Variants in TMEM132D observed in about 807,000 individuals in gnomAD.
The protein encoded by TMEM132D is mature OL transmembrane protein.
Under a neutral mutation model 62.3 loss-of-function variants are expected in TMEM132D, and 21 were observed. The observed-to-expected ratio is 0.34, with a 90% CI of 0.24 to 0.49. The LOEUF (loss-of-function observed/expected upper bound fraction) is 0.49, where lower values mean the gene tolerates loss of function less well. TMEM132D is among the 20% of genes least tolerant of loss of function. TMEM132D has a pLI of 0.99. For missense variants in TMEM132D, 1,346 were observed against 1,402.8 expected, an observed-to-expected ratio of 0.96 and a Z score of 0.65; for synonymous variants, 621 against 575.6, an observed-to-expected ratio of 1.08 and a Z score of -1.13.
At chr12:129,555,363 A>T (rs1877025208) in intron 2 of TMEM132D, among the ~76,000 whole-genome samples, 1 of 152,224 alleles carries the variant, frequency 6.6e-6, no homozygotes, top group Non-Finnish European at 1.5e-5. Flanking sequence ...CTAAGGTGGG[A>T]TGAAAGTTGG....
intron 4 of TMEM132D, among the ~76,000 whole-genome samples, chr12:129,306,998 T>C (rs2135631926): frequency 6.6e-6 from 1 of 152,078 alleles, no homozygotes; most frequent in East Asian, 1.9e-4. Context: ...GATGAACCTT[T>C]AACTCAAACT....
intron 1 of TMEM132D, among the ~76,000 whole-genome samples, chr12:129,830,694 G>C (rs979524892): frequency 4.6e-5 from 7 of 152,008 alleles, no homozygotes; most frequent in African/African-American, 1.5e-4. Flanking sequence ...ACAGGCACTC[G>C]TCCTTAACTT....
intron 3 of TMEM132D, among the ~76,000 whole-genome samples, chr12:129,389,912 T>C (rs1361368095): frequency 6.6e-6 from 1 of 152,180 alleles, no homozygotes; most frequent in African/African-American, 2.4e-5. Context: ...TTTGATTCCA[T>C]GGTGAGACTT....
At chr12:129,218,509 T>C (rs930153830) in intron 4 of TMEM132D, among the ~76,000 whole-genome samples, 1 of 152,172 alleles carries the variant, frequency 6.6e-6, no homozygotes, top group South Asian at 2.1e-4. Context: ...ATGGTAAGTA[T>C]TTGTGTATCT....
chr12:129,335,390 G>A lies in TMEM132D; in HGVS notation c.1299+2244C>T, dbSNP rs959395241. Among the ~76,000 whole-genome samples the A allele has an allele frequency of 2.6e-4, 39 of 151,804 alleles. 1 individual carries two copies. Among genetic ancestry groups the A allele is most frequent in the Middle Eastern group, 3.4e-3 (1 of 294 alleles). ...TGGCCTCAAGTGATCTGCCCACCTC[G>A]GCCTCCCAAAATGCTGGGATTACAG... On this transcript the variant is annotated intron_variant, in intron 4 of 8. Transcript: ENST00000422113.
At chr12:129,373,201 T>G (rs1348154495) in intron 3 of TMEM132D, among the ~76,000 whole-genome samples, 1 of 152,164 alleles carries the variant, frequency 6.6e-6, no homozygotes, top group Non-Finnish European at 1.5e-5. Flanking sequence ...GAACAAATCC[T>G]TCTAATGGAC....
intron 2 of TMEM132D, among the ~76,000 whole-genome samples, chr12:129,601,575 T>A (rs895779761): frequency 2.0e-5 from 3 of 152,218 alleles, no homozygotes; most frequent in Non-Finnish European, 4.4e-5. Flanking sequence ...GATGTGCAAC[T>A]CTTCCTTTCA....
intron 4 of TMEM132D, among the ~76,000 whole-genome samples, chr12:129,249,736 G>A (rs934511161): frequency 7.9e-5 from 12 of 152,142 alleles, no homozygotes; most frequent in African/African-American, 2.9e-4. Flanking sequence ...CAGAAAAAGA[G>A]TTTAATTGAA....
intron 5 of TMEM132D, among the ~76,000 whole-genome samples, chr12:129,201,756 A>G (rs558330138): frequency 2.0e-5 from 3 of 152,180 alleles, no homozygotes; most frequent in Non-Finnish European, 4.4e-5. Context: ...AGAAAAAGAG[A>G]GAAAGATTGG....
At chr12:129,140,057 TTTTC>T (rs1806583702) in intron 5 of TMEM132D, among the ~76,000 whole-genome samples, 1 of 152,036 alleles carries the variant, frequency 6.6e-6, no homozygotes, top group Non-Finnish European at 1.5e-5. Context: ...TTTTCCTTCT[TTTTC>T]ATTTTTTTTA....
chr12:129,074,542 A>G lies in TMEM132D; in HGVS notation c.2633T>C (p.Leu878Ser), dbSNP rs1380743760. ...QESLLDDNSHLQTIPSDLTSF... is the reference protein window; with the variant it reads ...QESLLDDNSHSQTIPSDLTSF... ...GGTGAGGTCGCTGGGGATGGTCTGC[A>G]AGTGGCTGTTGTCATCTAAAAGGCT... Residue 878 changes from leucine to serine, a missense_variant, in exon 9 of 9, where the codon TTG (leucine) becomes TCG (serine). Physicochemically the swap from Leu to Ser is moderately radical, Grantham distance 145 (BLOSUM62 -2). Coordinates refer to ENST00000422113, the MANE Select transcript of TMEM132D (RefSeq NM_133448.3). 1.2e-6 allele frequency: 2 copies of G among 1,613,952 alleles called. No individual in the cohort carries two copies. Among genetic ancestry groups the G allele is most frequent in the African/African-American group, 2.7e-5 (2 of 74,886 alleles).
chr12:129,369,223 C>G (rs1348917466), intron 3 of TMEM132D, among the ~76,000 whole-genome samples: 1 of 152,186 alleles, frequency 6.6e-6, no homozygotes, highest in Non-Finnish European at 1.5e-5. Flanking sequence ...GTGTGCAGAC[C>G]TGCCAAAATA....
chr12:129,311,506 A>T (rs1306616608), intron 4 of TMEM132D, among the ~76,000 whole-genome samples: 1 of 152,224 alleles, frequency 6.6e-6, no homozygotes, highest in Non-Finnish European at 1.5e-5. Context: ...TGAATAATGC[A>T]CTGAGAACAG....
intron 2 of TMEM132D, among the ~76,000 whole-genome samples, chr12:129,622,365 T>G (rs540209578): frequency 1.1e-3 from 175 of 152,304 alleles, no homozygotes; most frequent in Non-Finnish European, 1.9e-3. Flanking sequence ...GAGGGGCTCT[T>G]ACGCCTTGGC....
intron 5 of TMEM132D, among the ~76,000 whole-genome samples, chr12:129,143,976 A>G (rs1300477044): frequency 6.6e-6 from 1 of 152,120 alleles, no homozygotes; most frequent in Non-Finnish European, 1.5e-5. Context: ...TTCTTGGACC[A>G]TCTAATTGGG....
intron 3 of TMEM132D, among the ~76,000 whole-genome samples, chr12:129,506,214 G>A (rs1405445476): frequency 1.3e-5 from 2 of 152,108 alleles, no homozygotes; most frequent in Admixed American, 6.6e-5. Context: ...TGTAGTGCTG[G>A]TTTGGTCGTA....
chr12:129,105,389 G>T (rs1271168048), intron 5 of TMEM132D, among the ~76,000 whole-genome samples: 2 of 116,068 alleles, frequency 1.7e-5, no homozygotes, highest in African/African-American at 7.2e-5. Flanking sequence ...TCTGGGGACC[G>T]TTGTGGGGTG....
chr12:129,738,314 G>A (rs1270406790), intron 1 of TMEM132D, among the ~76,000 whole-genome samples: 3 of 151,324 alleles, frequency 2.0e-5, no homozygotes, highest in Non-Finnish European at 4.4e-5. Context: ...GTTGCAGGAG[G>A]GAAAAAAAGG....
intron 1 of TMEM132D, among the ~76,000 whole-genome samples, chr12:129,838,503 T>C (rs1873077021): frequency 6.6e-6 from 1 of 152,184 alleles, no homozygotes; most frequent in Non-Finnish European, 1.5e-5. Context: ...CCTAACCCCC[T>C]TCCACTGAAT....
Sources: gnomAD v4.1 joint callset for allele counts (sites outside exome capture counted in the v4.1 genomes callset) on GRCh38, gnomAD v4.1.1 for gene constraint, MANE v1.5 for transcripts, NCBI Gene and HGNC (gene_info 2026-07-23, HGNC 2026-07-21) for gene names.